Variants in NRXN3 observed in about 807,000 individuals in gnomAD.
NRXN3 encodes neurexin 3.
A neutral mutation model predicts 137.6 loss-of-function variants in NRXN3; 32 were observed. The observed-to-expected ratio is 0.23, with a 90% CI of 0.18 to 0.31. The LOEUF is 0.31. NRXN3 is among the 10% of genes least tolerant of loss of function. The probability of loss-of-function intolerance (pLI) is 1.00; values close to 1 mark genes in which losing one functional copy is unlikely to be tolerated. For synonymous variants in NRXN3, 798 were observed against 784.5 expected (o/e 1.02, Z -0.29); for missense variants, 1,574 against 2,062.5 (o/e 0.76, Z 4.59).
At chr14:79,260,363 T>C (rs1310756958) in intron 15 of NRXN3, among the ~76,000 whole-genome samples, 2 of 152,152 alleles carry the variant, frequency 1.3e-5, no homozygotes, top group Non-Finnish European at 2.9e-5. Flanking sequence ...GTGGGAAGTA[T>C]GATCTGTCCT....
chr14:79,768,801 A>G (rs1043900312), intron 19 of NRXN3, among the ~76,000 whole-genome samples: 12 of 152,334 alleles, frequency 7.9e-5, no homozygotes, highest in East Asian at 3.9e-4. Context: ...GAGAGAAGAA[A>G]GCTTCAGACA....
chr14:78,955,215 A>G (rs1354993470), intron 10 of NRXN3, among the ~76,000 whole-genome samples: 1 of 152,088 alleles, frequency 6.6e-6, no homozygotes, highest in African/African-American at 2.4e-5. Flanking sequence ...AAGAGGATAA[A>G]AACATAAAAA....
At chr14:79,133,214 G>C (rs1395445774) in intron 15 of NRXN3, among the ~76,000 whole-genome samples, 1 of 152,178 alleles carries the variant, frequency 6.6e-6, no homozygotes, top group Admixed American at 6.5e-5. Flanking sequence ...CAGATGCATT[G>C]GCTAATACCT....
rs74568373 is a variant in NRXN3, at chr14:78,621,697, G to A, written c.758-23423G>A. ...CATTAAATTGTACATAAGTACTGTC[G>A]TCCTTGTTTGAATAATTAACTTTCA... On this transcript the variant is annotated intron_variant, in intron 4 of 20. Transcript: ENST00000335750. Among the ~76,000 whole-genome samples, 1,195 of 152,088 alleles carry A rather than the reference G, an allele frequency of 7.9e-3. 10 individuals are homozygous for A. Among genetic ancestry groups the A allele is most frequent in the Non-Finnish European group, 0.011 (751 of 67,984 alleles).
chr14:79,083,865 C>T lies in NRXN3; in HGVS notation c.3262+95724C>T, dbSNP rs1013160762. Among the ~76,000 whole-genome samples the T allele has an allele frequency of 4.6e-5, 7 of 152,172 alleles. No individual in the cohort carries two copies. In the East Asian group the frequency reaches 5.8e-4, roughly 13 times the overall value. On this transcript the variant is annotated intron_variant, in intron 15 of 20. Transcript: ENST00000335750. ...GAGCTAAGTTTTGTTGTGATATGAACGATAGTGACTGCTAAAAGGATAGCA... is the reference window on the plus strand; with the variant it reads ...GAGCTAAGTTTTGTTGTGATATGAATGATAGTGACTGCTAAAAGGATAGCA...
intron 20 of NRXN3, among the ~76,000 whole-genome samples, chr14:79,817,049 G>A (rs926662182): frequency 6.6e-6 from 1 of 151,986 alleles, no homozygotes; most frequent in African/African-American, 2.4e-5. Flanking sequence ...GTGAAGTTTA[G>A]TTGCCCCCAT....
chr14:78,454,764 G>A (rs1300927654), intron 4 of NRXN3, among the ~76,000 whole-genome samples: 1 of 152,192 alleles, frequency 6.6e-6, no homozygotes, highest in Non-Finnish European at 1.5e-5. Flanking sequence ...CAGGCAAGGA[G>A]GGAAGAGAAG....
intron 16 of NRXN3, among the ~76,000 whole-genome samples, chr14:79,637,112 T>TA (rs2153951206): frequency 6.6e-6 from 1 of 152,272 alleles, no homozygotes; most frequent in East Asian, 1.9e-4. Context: ...CTCCTTCACT[T>TA]ACAAGCTGCG....
chr14:78,701,084 A>G (rs549022967), intron 6 of NRXN3, among the ~76,000 whole-genome samples: 20 of 152,236 alleles, frequency 1.3e-4, no homozygotes, highest in South Asian at 1.2e-3. Flanking sequence ...AATTTTTTCT[A>G]TAAGATACAC....
intron 15 of NRXN3, among the ~76,000 whole-genome samples, chr14:79,366,674 A>T (rs1340946581): frequency 6.6e-6 from 1 of 152,124 alleles, no homozygotes; most frequent in Non-Finnish European, 1.5e-5. Flanking sequence ...CTCTTCATTC[A>T]TTAATTATTA....
chr14:79,663,250 G>GTT (rs1227296232), intron 16 of NRXN3, among the ~76,000 whole-genome samples: 1 of 149,208 alleles, frequency 6.7e-6, no homozygotes, highest in African/African-American at 2.5e-5. Flanking sequence ...GTGTACGCGT[G>GTT]TGTGTGTGTG....
chr14:78,483,613 A>C (rs1159060556), intron 4 of NRXN3, among the ~76,000 whole-genome samples: 1 of 152,254 alleles, frequency 6.6e-6, no homozygotes, highest in Non-Finnish European at 1.5e-5. Flanking sequence ...TGATCTATGC[A>C]GTGGACATGA....
At chr14:79,056,045 C>T (rs546557421) in intron 15 of NRXN3, among the ~76,000 whole-genome samples, 1 of 152,024 alleles carries the variant, frequency 6.6e-6, no homozygotes, top group Non-Finnish European at 1.5e-5. Context: ...AAATACATGT[C>T]GATATTGGGG....
chr14:78,670,886 G>T, intron 6 of NRXN3, among the ~76,000 whole-genome samples: 1 of 152,212 alleles, frequency 6.6e-6, no homozygotes, highest in East Asian at 1.9e-4. Flanking sequence ...TGGGGAAAGT[G>T]CTGTTTTTGA....
At chr14:79,091,858 A>G (rs567056924) in intron 15 of NRXN3, among the ~76,000 whole-genome samples, 1 of 152,154 alleles carries the variant, frequency 6.6e-6, no homozygotes, top group Non-Finnish European at 1.5e-5. Context: ...GACAAAAAAA[A>G]AATCCATGTT....
intron 10 of NRXN3, among the ~76,000 whole-genome samples, chr14:78,860,437 C>T (rs2099069391): frequency 6.6e-6 from 1 of 152,018 alleles, no homozygotes; most frequent in Non-Finnish European, 1.5e-5. Context: ...TACTAACTGT[C>T]ATATATTTGG....
chr14:78,610,616 C>G (rs1340947508), intron 4 of NRXN3, among the ~76,000 whole-genome samples: 1 of 152,222 alleles, frequency 6.6e-6, no homozygotes, highest in Admixed American at 6.5e-5. Context: ...AAACCAAATA[C>G]CTTCTAGAGA....
intron 4 of NRXN3, among the ~76,000 whole-genome samples, chr14:78,426,274 T>G (rs543702561): frequency 6.6e-6 from 1 of 152,338 alleles, no homozygotes; most frequent in Admixed American, 6.5e-5. Flanking sequence ...ACACTAGGTC[T>G]GCTGTTGTTT....
chr14:79,291,685 C>T (rs2083231541), intron 15 of NRXN3, among the ~76,000 whole-genome samples: 1 of 147,056 alleles, frequency 6.8e-6, no homozygotes, highest in Admixed American at 6.8e-5. Context: ...CTTATATTAC[C>T]TATAAGTATA....
Sources: allele counts gnomAD v4.1 joint callset (sites outside exome capture counted in the v4.1 genomes callset), GRCh38; gene constraint gnomAD v4.1.1; transcripts MANE v1.5; gene names NCBI Gene and HGNC (gene_info 2026-07-23, HGNC 2026-07-21).